Variants in VSTM2A observed in about 807,000 individuals in gnomAD.
VSTM2A encodes the protein V-set and transmembrane domain-containing protein 2A.
A neutral mutation model predicts 27.3 loss-of-function variants in VSTM2A; 13 were observed. That is an observed-to-expected ratio of 0.48 (90% CI 0.31 to 0.76). The LOEUF is 0.76. Among genes scored for constraint, VSTM2A ranks in the 30% least tolerant of loss-of-function variants. The pLI is 0.05. For synonymous variants in VSTM2A, 142 were observed against 125.7 expected (o/e 1.13, Z -0.87); for missense variants, 280 against 310.0 (o/e 0.90, Z 0.73).
At chr7:54,569,021 C>A in intron 4 of VSTM2A, 110 bp from the exon 5 acceptor site, 1 of 1,601,934 alleles carries the variant, frequency 6.2e-7, no homozygotes, top group Admixed American at 1.7e-5. Context: ...GCGAGGATAG[C>A]TACAAGCCAT....
At chr7:54,568,069 C>T (rs2115952611) in intron 4 of VSTM2A, among the ~76,000 whole-genome samples, 1 of 152,314 alleles carries the variant, frequency 6.6e-6, no homozygotes, top group Admixed American at 6.5e-5. Flanking sequence ...TATAGCCCAC[C>T]TACCAGTAAG....
Position 54,569,165 on chromosome 7 carries a change from G to T in VSTM2A, c.669G>T (p.Arg223=), listed in dbSNP as rs757093135. 2 of 1,552,510 alleles carry T rather than the reference G, an allele frequency of 1.3e-6. No homozygotes were observed. Among genetic ancestry groups the T allele is most frequent in the East Asian group, 2.4e-5 (1 of 41,076 alleles). The change falls in exon 5 of 5, where the codon CGG becomes CGT. Residue 223 remains arginine, a synonymous_variant. Coordinates refer to ENST00000402613, the MANE Select transcript of VSTM2A (RefSeq NM_001301009.2). ...KSKSPVKSTE[R]TAKLTLNSKH... ...AATCGCCTGTAAAATCTACGGAGCG[G>T]ACAGCAAAGTTGACCCTAAACTCCA...
intron 3 of VSTM2A, among the ~76,000 whole-genome samples, chr7:54,548,619 ATACTC>A (rs1322838805): frequency 6.6e-6 from 1 of 152,196 alleles, no homozygotes; most frequent in Non-Finnish European, 1.5e-5. Context: ...AATAATATAA[ATACTC>A]TAGCTACCTC....
In VSTM2A at chr7:54,542,747, T is replaced by C. The variant is rs1787824205; in HGVS notation, c.17T>C (p.Leu6Ser). 1 of 1,613,830 alleles carries C rather than the reference T, an allele frequency of 6.2e-7. No individual in the cohort carries two copies. The highest frequency in any genetic ancestry group is 1.7e-5 in the Admixed American group (1 of 60,004). Residue 6 changes from leucine (L) to serine (S), a missense_variant, in exon 1 of 5, where the codon TTG becomes TCG. Physicochemically the swap from Leu to Ser is moderately radical, Grantham distance 145 (BLOSUM62 -2). Coordinates refer to ENST00000402613, the MANE Select transcript of VSTM2A (RefSeq NM_001301009.2). The part of the protein sequence containing the change: MMGIF[L>S]VYVGFVFFSV... ...CTTTTTGGAATGATGGGGATCTTTT[T>C]GGTGTATGTTGGATTTGTTTTCTTT...
chr7:54,546,689 C>T lies in VSTM2A; in HGVS notation c.247-258C>T, dbSNP rs1371566114. 3.9e-5 allele frequency: 17 copies of T among 437,812 alleles called. No homozygotes were observed. In the East Asian group the frequency reaches 5.2e-4, roughly 13 times the overall value. The allele number at this position is 437,812 out of a possible 1,614,324, so 27.1% of individuals were successfully genotyped here. A position where few individuals can be genotyped will look rare whatever the true frequency, so the allele number is the denominator to read the frequency against. On this transcript the variant is annotated intron_variant, in intron 2 of 4. Transcript: ENST00000402613. ...CGCGGCAGGGACAGCGCCGGGACAG[C>T]GCCGGGACAGCCCCGGGACAGCCCC... is the stretch of plus-strand genomic sequence containing the variant.
intron 4 of VSTM2A, chr7:54,558,674 G>C (rs1359207493): frequency 2.0e-5 from 3 of 152,004 alleles, no homozygotes; most frequent in Non-Finnish European, 4.4e-5. Flanking sequence ...AGCCTGGAAA[G>C]CTCGAAAATT....
chr7:54,558,751 G>T (rs1390502562), intron 4 of VSTM2A: 1 of 152,030 alleles, frequency 6.6e-6, no homozygotes, highest in Non-Finnish European at 1.5e-5. Flanking sequence ...AATTAATAAT[G>T]CCAAAAGGAG....
rs11432820 is a variant in VSTM2A at position 54,547,005 on chromosome 7, C to CG, written c.297+12dup. 1,261,558 of 1,583,830 alleles carry CG rather than the reference C, an allele frequency of 0.8. 503,742 individuals carry two copies. The highest frequency in any genetic ancestry group is 0.85 in the South Asian group (75,407 of 88,534). On this transcript the variant is annotated intron_variant, in intron 3 of 4. Coordinates refer to ENST00000402613, the MANE Select transcript of VSTM2A (RefSeq NM_001301009.2). The stretch of plus-strand genomic sequence containing the variant: ...GACGGGACCAAGATCAGCGTGAGTG[C>CG]GGGGCGCGCCAAGGGCCGCGGGCCC...
intron 2 of VSTM2A, 136 bp from the exon 3 acceptor site, chr7:54,546,810 TG>T: frequency 3.6e-6 from 4 of 1,106,852 alleles, no homozygotes; most frequent in Non-Finnish European, 3.8e-6. Flanking sequence ...TGGACAGGGG[TG>T]GCCACGCCCC....
chr7:54,569,273 A>T lies in VSTM2A; in HGVS notation c.*54A>T. On this transcript the variant is annotated 3_prime_UTR_variant, in exon 5 of 5. Coordinates refer to ENST00000402613, the MANE Select transcript of VSTM2A (RefSeq NM_001301009.2). ...GAAGCATAAATGAAGAGGCTATCAC[A>T]TGCTTTGTTGATCATATTTTCTTTG... is the stretch of plus-strand genomic sequence containing the variant. 1 of 1,546,396 alleles carries T rather than the reference A, an allele frequency of 6.5e-7. No individual in the cohort carries two copies. The highest frequency in any genetic ancestry group is 2.0e-5 in the Admixed American group (1 of 50,206).
intron 2 of VSTM2A, chr7:54,546,573 C>CGCCG (rs1787989996): frequency 6.2e-6 from 1 of 162,202 alleles, no homozygotes; most frequent in Non-Finnish European, 1.3e-5. Flanking sequence ...CCTGCCCGCC[C>CGCCG]GCCCACCCAC....
chr7:54,547,717 G>A (rs1448980054), intron 3 of VSTM2A, among the ~76,000 whole-genome samples: 1 of 152,102 alleles, frequency 6.6e-6, no homozygotes, highest in Admixed American at 6.5e-5. Context: ...AAATAGGTAT[G>A]TAATACAAAA....
chr7:54,565,784 T>A (rs1260633259), intron 4 of VSTM2A, among the ~76,000 whole-genome samples: 3 of 152,260 alleles, frequency 2.0e-5, no homozygotes, highest in African/African-American at 7.2e-5. Context: ...TAATGAAATA[T>A]ATGGAATTTC....
chr7:54,546,554 G>GC (rs763266624), intron 2 of VSTM2A: 46,765 of 161,488 alleles, frequency 0.29, 7,896 homozygotes, highest in Non-Finnish European at 0.32. Flanking sequence ...CACCCCTGGC[G>GC]CCCCCCCGCC....
intron 2 of VSTM2A, among the ~76,000 whole-genome samples, chr7:54,545,717 G>A (rs945274174): frequency 8.6e-6 from 1 of 116,556 alleles, no homozygotes; most frequent in Non-Finnish European, 1.7e-5. Flanking sequence ...AAGAGAGAGA[G>A]GGAAGGGGAA....
chr7:54,546,827 G>C lies in VSTM2A; in HGVS notation c.247-120G>C. ...GACAGGGGTGGCCACGCCCCTGGTC[G>C]CTCCCCTGTCCCCAGGTCACCCTGA... is the stretch of plus-strand genomic sequence containing the variant. On this transcript the variant is annotated intron_variant, in intron 2 of 4. Transcript: ENST00000402613. The C allele has an allele frequency of 2.2e-6, 3 of 1,368,128 alleles. No individual in the cohort carries two copies. The South Asian group carries it at 4.1e-5, about 19-fold the overall frequency. 84.7% of individuals were successfully genotyped at this position (1,368,128 alleles called of 1,614,324 possible).
At chr7:54,566,708 T>G (rs1201539886) in intron 4 of VSTM2A, among the ~76,000 whole-genome samples, 4 of 152,142 alleles carry the variant, frequency 2.6e-5, no homozygotes, top group Non-Finnish European at 5.9e-5. Context: ...TTCTACACAG[T>G]TATTATGCTC....
chr7:54,548,382 A>G (rs894433399), intron 3 of VSTM2A, among the ~76,000 whole-genome samples: 1 of 152,210 alleles, frequency 6.6e-6, no homozygotes, highest in Non-Finnish European at 1.5e-5. Flanking sequence ...GTGACCTTGA[A>G]CATATTTTCT....
intron 3 of VSTM2A, 119 bp downstream of exon 3, chr7:54,547,116 C>A: frequency 8.5e-7 from 1 of 1,173,800 alleles, no homozygotes; most frequent in South Asian, 1.6e-5. Flanking sequence ...GTGCCCCTTG[C>A]TTGCCTCATT....
Sources: allele counts gnomAD v4.1 joint callset (sites outside exome capture counted in the v4.1 genomes callset), GRCh38; gene constraint gnomAD v4.1.1; transcripts MANE v1.5; gene names NCBI Gene and HGNC (gene_info 2026-07-23, HGNC 2026-07-21).